The following PAPPA2 variants were observed in gnomAD, a reference collection of about 807,000 sequenced individuals.
PAPPA2 encodes pappalysin 2.
PAPPA2 carries 86 observed loss-of-function variants against 176.4 expected under a neutral mutation model. That is an observed-to-expected ratio of 0.49 (90% confidence interval 0.41 to 0.58). The LOEUF is 0.58. PAPPA2 is among the 20% of genes least tolerant of loss of function. The pLI, the probability that PAPPA2 is intolerant of heterozygous loss-of-function variation, is 0.00. For missense variants in PAPPA2, 2,073 were observed against 2,256.9 expected (o/e 0.92, Z 1.65); for synonymous variants, 809 against 852.2 (o/e 0.95, Z 0.88).
intron 1 of PAPPA2, among the ~76,000 whole-genome samples, chr1:176,477,775 AT>A (rs1652205914): frequency 9.1e-6 from 1 of 109,316 alleles, no homozygotes. Flanking sequence ...ACATTAAAAA[AT>A]AAATAAAATA....
chr1:176,530,855 G>C (rs928459104), intron 1 of PAPPA2, among the ~76,000 whole-genome samples: 1 of 152,176 alleles, frequency 6.6e-6, no homozygotes, highest in African/African-American at 2.4e-5. Flanking sequence ...AATAGGGTCT[G>C]AACACTGGAA....
At chr1:176,545,468 T>G (rs1018581057) in intron 1 of PAPPA2, among the ~76,000 whole-genome samples, 1 of 150,176 alleles carries the variant, frequency 6.7e-6, no homozygotes, top group Non-Finnish European at 1.5e-5. Context: ...ATAATACACC[T>G]GAACTGAAAC....
chr1:176,555,173 A>T (rs1182704829), intron 1 of PAPPA2, among the ~76,000 whole-genome samples: 3 of 152,180 alleles, frequency 2.0e-5, no homozygotes, highest in African/African-American at 7.2e-5. Context: ...TGAGGTGGGT[A>T]GGTTTTCAGG....
intron 3 of PAPPA2, among the ~76,000 whole-genome samples, chr1:176,607,541 A>G (rs1304904179): frequency 6.6e-6 from 1 of 152,158 alleles, no homozygotes; most frequent in Non-Finnish European, 1.5e-5. Context: ...GGCAGATTTC[A>G]TTCCTTTTTG....
chr1:176,490,489 T>C (rs1403871423), intron 1 of PAPPA2, among the ~76,000 whole-genome samples: 1 of 152,130 alleles, frequency 6.6e-6, no homozygotes, highest in Non-Finnish European at 1.5e-5. Context: ...TGTCCCAGCT[T>C]ATATTTGTGA....
intron 7 of PAPPA2, among the ~76,000 whole-genome samples, chr1:176,696,433 T>G (rs1434933692): frequency 6.6e-6 from 1 of 152,146 alleles, no homozygotes; most frequent in Non-Finnish European, 1.5e-5. Context: ...TATTAATCAC[T>G]GGTACTGGTT....
chr1:176,551,524 C>T (rs564977745), intron 1 of PAPPA2, among the ~76,000 whole-genome samples: 11 of 152,254 alleles, frequency 7.2e-5, no homozygotes, highest in African/African-American at 1.4e-4. Flanking sequence ...CTCTCTCTCT[C>T]GTTCTCTCTC....
intron 21 of PAPPA2, among the ~76,000 whole-genome samples, chr1:176,838,923 G>A (rs542834272): frequency 6.6e-6 from 1 of 152,304 alleles, no homozygotes; most frequent in South Asian, 2.1e-4. Context: ...ATCAAAACAT[G>A]GAAGTAATAA....
At chr1:176,650,134 G>T (rs12145655) in intron 3 of PAPPA2, among the ~76,000 whole-genome samples, 37,714 of 151,270 alleles carry the variant, frequency 0.25, 4,821 homozygotes, top group South Asian at 0.33. Context: ...TGTCCCCTTT[G>T]TCATTATATG....
intron 14 of PAPPA2, among the ~76,000 whole-genome samples, chr1:176,754,101 A>G (rs1663309687): frequency 6.6e-6 from 1 of 151,962 alleles, no homozygotes; most frequent in African/African-American, 2.4e-5. Context: ...GGTGGGCTTA[A>G]TGAAGTATGG....
At chr1:176,788,648 C>A (rs1420394132) in intron 17 of PAPPA2, among the ~76,000 whole-genome samples, 1 of 152,106 alleles carries the variant, frequency 6.6e-6, no homozygotes, top group Admixed American at 6.6e-5. Flanking sequence ...GTAGGGAGGA[C>A]CCTAATTCCA....
intron 1 of PAPPA2, among the ~76,000 whole-genome samples, chr1:176,509,097 G>A (rs4652183): frequency 1 from 2 of 2 alleles, 1 homozygote; most frequent in Non-Finnish European, 1. Flanking sequence ...GAGAATATGT[G>A]ATGCACTATT....
At chr1:176,512,549 A>G (rs1319066918) in intron 1 of PAPPA2, among the ~76,000 whole-genome samples, 1 of 152,206 alleles carries the variant, frequency 6.6e-6, no homozygotes, top group Non-Finnish European at 1.5e-5. Flanking sequence ...AAGAACAGAT[A>G]CATCTAATTT....
chr1:176,765,098 T>C (rs1663904419), intron 14 of PAPPA2, among the ~76,000 whole-genome samples: 2 of 152,224 alleles, frequency 1.3e-5, no homozygotes, highest in African/African-American at 4.8e-5. Flanking sequence ...TATTCAGTGG[T>C]ATGTACTGCT....
At chr1:176,806,639 T>G (rs1219352702) in intron 21 of PAPPA2, among the ~76,000 whole-genome samples, 1 of 152,232 alleles carries the variant, frequency 6.6e-6, no homozygotes. Flanking sequence ...TTTCTGAATT[T>G]AAGTTTCCTT....
intron 1 of PAPPA2, among the ~76,000 whole-genome samples, chr1:176,495,626 C>T (rs998867060): frequency 2.6e-5 from 4 of 151,822 alleles, no homozygotes; most frequent in Admixed American, 2.6e-4. Flanking sequence ...AGTCTTACTC[C>T]AGAGGTCAGG....
intron 9 of PAPPA2, among the ~76,000 whole-genome samples, chr1:176,703,991 G>T (rs1039754083): frequency 1.3e-5 from 2 of 152,104 alleles, no homozygotes; most frequent in African/African-American, 2.4e-5. Context: ...GTGCTGGGGG[G>T]GGTGGGTGAC....
Position 176,647,609 on chromosome 1 carries a change from T to C in PAPPA2, c.1992-23361T>C, listed in dbSNP as rs141763118. On this transcript the variant is annotated intron_variant, in intron 3 of 22. Transcript: ENST00000367662. ...TTTTGTATGTGGTAAGAGATAGGGGTCTGGTTCTATTCTTCTGCATATGGT... is the reference window on the plus strand; with the variant it reads ...TTTTGTATGTGGTAAGAGATAGGGGCCTGGTTCTATTCTTCTGCATATGGT... Among the ~76,000 whole-genome samples the C allele has an allele frequency of 5.0e-3, 761 of 151,778 alleles. 3 individuals carry two copies. Among genetic ancestry groups the C allele is most frequent in the Non-Finnish European group, 8.5e-3 (578 of 67,736 alleles).
chr1:176,791,173 A>ATTTTTTTTTTT (rs57185368), intron 18 of PAPPA2, among the ~76,000 whole-genome samples, 174 bp from the exon 19 acceptor site: 5 of 80,876 alleles, frequency 6.2e-5, no homozygotes, highest in African/African-American at 3.0e-4. Context: ...AAAGCAAAGA[A>ATTTTTTTTTTT]TTTTTTTTTT....
Sources: gnomAD v4.1 joint callset for allele counts (sites outside exome capture counted in the v4.1 genomes callset) on GRCh38, gnomAD v4.1.1 for gene constraint, MANE v1.5 for transcripts, NCBI Gene and HGNC (gene_info 2026-07-23, HGNC 2026-07-21) for gene names.